ZNF235: variants seen among roughly 807,000 people sequenced by gnomAD.
The protein encoded by ZNF235 is zinc finger protein 235.
ZNF235 carries 25 observed loss-of-function variants against 29.4 expected under a neutral mutation model. The ratio of observed to expected loss-of-function variants is 0.85; its 90% CI spans 0.62 to 1.19. The LOEUF is 1.19. Among genes scored for constraint, ZNF235 ranks in the 50% most tolerant of loss-of-function variants. ZNF235 has a pLI of 0.00. For synonymous variants in ZNF235, 300 were observed against 295.3 expected (o/e 1.02, Z -0.16); for missense variants, 788 against 885.0 (o/e 0.89, Z 1.39).
chr19:44,302,959 T>TGTATATATA (rs1975765640), intron 2 of ZNF235, among the ~76,000 whole-genome samples: 1 of 134,202 alleles, frequency 7.5e-6, no homozygotes, highest in Non-Finnish European at 1.5e-5. Context: ...TATATATAAA[T>TGTATATATA]ATATACGTAT....
In ZNF235 at chr19:44,287,568, C is replaced by T. The variant is rs147781913; in HGVS notation, c.1867G>A (p.Gly623Arg). The T allele has an allele frequency of 3.1e-5, 50 of 1,614,038 alleles. No individual in the cohort carries two copies. The highest frequency in any genetic ancestry group is 4.0e-5 in the Non-Finnish European group (47 of 1,180,028). Residue 623 changes from glycine (G) to arginine (R), a missense_variant, in exon 5 of 5, where the codon GGA (glycine) becomes AGA (arginine). By Grantham distance (125) the Gly-to-Arg change is moderately radical. Coordinates refer to ENST00000291182, the MANE Select transcript of ZNF235 (RefSeq NM_004234.4). ...GTGTCACATTTATATGGTTTCTCTC[C>T]GGTGTGGACTCTCTGATGGGCTTGA... ...HLQAHQRVHTGEKPYKCDTCG... is the reference protein window; with the variant it reads ...HLQAHQRVHTREKPYKCDTCG...
Position 44,288,600 on chromosome 19 carries a change from C to T in ZNF235, c.835G>A (p.Glu279Lys). Residue 279 changes from glutamate to lysine, a missense_variant, in exon 5 of 5, where the codon GAA becomes AAA. By Grantham distance (56) the Glu-to-Lys change is moderately conservative. Transcript: ENST00000291182. ...CCCAAGTGTACCTGTTTATGAAGTT[C>T]AAGACTGGAGCTATCATTGAAGGCT... ...EEAFNDSSSL[E>K]LHKQVHLGKK... 2 of 1,614,098 alleles carry T rather than the reference C, an allele frequency of 1.2e-6. No homozygotes were observed. The highest frequency in any genetic ancestry group is 1.7e-6 in the Non-Finnish European group (2 of 1,179,998).
In ZNF235 at chr19:44,288,605, C is replaced by A. The variant is rs775464606; in HGVS notation, c.830G>T (p.Ser277Ile). The A allele has an allele frequency of 6.2e-7, 1 of 1,614,080 alleles. No individual in the cohort carries two copies. Residue 277 changes from serine (S) to isoleucine (I), a missense_variant, in exon 5 of 5, where the codon AGT (serine) becomes ATT (isoleucine). By Grantham distance (142) the Ser-to-Ile change is moderately radical (BLOSUM62 -2). Coordinates refer to ENST00000291182, the MANE Select transcript of ZNF235 (RefSeq NM_004234.4). ...GTGTACCTGTTTATGAAGTTCAAGA[C>A]TGGAGCTATCATTGAAGGCTTCTTC... Reference protein sequence around the residue: ...ECEEAFNDSSSLELHKQVHLG... With the variant: ...ECEEAFNDSSILELHKQVHLG...
At position 44,287,999 on chromosome 19, in the gene ZNF235, CGTT is replaced by C. The variant is rs2048473101; in HGVS notation, c.1433_1435del (p.Gln478del). The C allele has an allele frequency of 6.2e-7, 1 of 1,613,928 alleles. No homozygotes were observed. Among genetic ancestry groups the C allele is most frequent in the African/African-American group, 1.3e-5 (1 of 74,856 alleles). On this transcript the variant is annotated inframe_deletion, in exon 5 of 5. Coordinates refer to ENST00000291182, the MANE Select transcript of ZNF235 (RefSeq NM_004234.4). ...ATATGGTTTTTCTCCTGTGTGGACTCGTTGATGACTATGAAGATTAAAGCTCAA... is the reference window on the plus strand; with the variant it reads ...ATATGGTTTTTCTCCTGTGTGGACTCGATGACTATGAAGATTAAAGCTCAA...
At chr19:44,298,036 T>C (rs1026340748) in intron 4 of ZNF235, among the ~76,000 whole-genome samples, 8 of 152,064 alleles carry the variant, frequency 5.3e-5, no homozygotes, top group Non-Finnish European at 8.8e-5. Context: ...GGAGGATTGC[T>C]TGAGCACAGG....
chr19:44,287,177 G>C lies in ZNF235; in HGVS notation c.*41C>G. On this transcript the variant is annotated 3_prime_UTR_variant, in exon 5 of 5. Coordinates refer to ENST00000291182, the MANE Select transcript of ZNF235 (RefSeq NM_004234.4). ...GCATGGACTTCCCAACGGAGACAAA[G>C]ATGTGAGCTCTAACTGAAGGCTGAA... 1 of 1,524,148 alleles carries C rather than the reference G, an allele frequency of 6.6e-7. No individual in the cohort carries two copies. Among genetic ancestry groups the C allele is most frequent in the South Asian group, 1.3e-5 (1 of 74,718 alleles). 94.4% of individuals were successfully genotyped at this position (1,524,148 alleles called of 1,614,324 possible). A position where few individuals can be genotyped will look rare whatever the true frequency, so the allele number is the denominator to read the frequency against.
Position 44,289,097 on chromosome 19 carries a change from G to C in ZNF235, c.338C>G (p.Ala113Gly). Residue 113 changes from alanine (A) to glycine (G), a missense_variant, in exon 5 of 5, where the codon GCG becomes GGG. By Grantham distance (60) the Ala-to-Gly change is moderately conservative. Coordinates refer to ENST00000291182, the MANE Select transcript of ZNF235 (RefSeq NM_004234.4). ...LSCWQIKRHI[A>G]SKLARSQDSM... ...GTCTTGACTTCTGGCTAATTTGCTC[G>C]CAATGTGTCTCTTGATTTGCCAGCA... The C allele has an allele frequency of 6.2e-7, 1 of 1,614,018 alleles. No individual in the cohort carries two copies. The highest frequency in any genetic ancestry group is 8.5e-7 in the Non-Finnish European group (1 of 1,179,998).
At chr19:44,303,082 A>T (rs1293432046) in intron 2 of ZNF235, among the ~76,000 whole-genome samples, 2 of 116,072 alleles carry the variant, frequency 1.7e-5, no homozygotes, top group Admixed American at 1.1e-4. Context: ...TGTATATATA[A>T]TACATATATA....
rs372763775 is a variant in ZNF235, at chr19:44,288,687, G to T, written c.748C>A (p.Pro250Thr). ...DCGKDTLKVS[P>T]LTQRSIHTGQ... The stretch of plus-strand genomic sequence containing the variant: ...GTGTGAATACTACGCTGGGTAAGAG[G>T]TGATACCTTTAGGGTATCTTTACCA... The change falls in exon 5 of 5, where the codon CCT (proline) becomes ACT (threonine). Residue 250 changes from proline (P) to threonine (T), a missense_variant. Physicochemically the swap from Pro to Thr is conservative, Grantham distance 38. Coordinates refer to ENST00000291182, the MANE Select transcript of ZNF235 (RefSeq NM_004234.4). 1 of 1,614,078 alleles carries T rather than the reference G, an allele frequency of 6.2e-7. No homozygotes were observed. The highest frequency in any genetic ancestry group is 8.5e-7 in the Non-Finnish European group (1 of 1,179,990).
rs1359023919 is a variant in ZNF235, at chr19:44,299,567, G to A, written c.142+39C>T. ...CCAAAACATCAATGGCATGGAGGTTGAGAAACCCTGCTGAATTACAGAGGG... is the reference window on the plus strand; with the variant it reads ...CCAAAACATCAATGGCATGGAGGTTAAGAAACCCTGCTGAATTACAGAGGG... On this transcript the variant is annotated intron_variant, in intron 3 of 4. Coordinates refer to ENST00000291182, the MANE Select transcript of ZNF235 (RefSeq NM_004234.4). The A allele has an allele frequency of 3.1e-6, 5 of 1,610,296 alleles. No homozygotes were observed. The East Asian group carries it at 8.9e-5, about 29-fold the overall frequency.
intron 2 of ZNF235, among the ~76,000 whole-genome samples, chr19:44,301,337 C>T (rs2123106564): frequency 6.6e-6 from 1 of 152,150 alleles, no homozygotes; most frequent in Admixed American, 6.5e-5. Context: ...AACTCGATGA[C>T]ACATGTGGCA....
Position 44,299,750 on chromosome 19 carries a change from T to C in ZNF235, c.16-18A>G. 6.2e-7 allele frequency: 1 copy of C among 1,613,760 alleles called. No homozygotes were observed. Among genetic ancestry groups the C allele is most frequent in the South Asian group, 1.1e-5 (1 of 91,074 alleles). Reference sequence around the variant, plus strand: ...ACTGCCTCCTAGAACATCAAGCACATGTAACCTCAATCTCACACCCAATGG... The same window carrying C: ...ACTGCCTCCTAGAACATCAAGCACACGTAACCTCAATCTCACACCCAATGG... On this transcript the variant is annotated intron_variant, in intron 2 of 4. Coordinates refer to ENST00000291182, the MANE Select transcript of ZNF235 (RefSeq NM_004234.4).
At chr19:44,291,277 G>T (rs555781369) in intron 4 of ZNF235, among the ~76,000 whole-genome samples, 1 of 152,136 alleles carries the variant, frequency 6.6e-6, no homozygotes, top group South Asian at 2.1e-4. Flanking sequence ...AATATTCAGA[G>T]AATAAATAAC....
At chr19:44,295,846 A>G (rs965888285) in intron 4 of ZNF235, among the ~76,000 whole-genome samples, 1 of 152,178 alleles carries the variant, frequency 6.6e-6, no homozygotes, top group Non-Finnish European at 1.5e-5. Flanking sequence ...GGGAAAGGAC[A>G]TCCTATTGAA....
chr19:44,293,536 G>C (rs967621803), intron 4 of ZNF235, among the ~76,000 whole-genome samples: 7 of 151,836 alleles, frequency 4.6e-5, no homozygotes, highest in Admixed American at 1.3e-4. Context: ...AATCAACAAA[G>C]AAACACTGGA....
At chr19:44,293,671 C>T (rs1975615281) in intron 4 of ZNF235, among the ~76,000 whole-genome samples, 1 of 151,900 alleles carries the variant, frequency 6.6e-6, no homozygotes. Context: ...TATGTTAGGT[C>T]ACAAAAAAAG....
Position 44,299,624 on chromosome 19 carries a change from T to C in ZNF235, c.124A>G (p.Arg42Gly), listed in dbSNP as rs1452190907. 6.2e-7 allele frequency: 1 copy of C among 1,614,102 alleles called. No individual in the cohort carries two copies. The highest frequency in any genetic ancestry group is 2.2e-5 in the East Asian group (1 of 44,884). ...LYRDVMLENF[R>G]NLVSVGHQSF... is the part of the protein sequence containing the mutation. ...TCCTTACCCACTGAAACCAGGTTCC[T>C]AAAGTTCTCCAGCATCACATCTCGG... is the stretch of plus-strand genomic sequence containing the variant. The change falls in exon 3 of 5, where the codon AGG (arginine) becomes GGG (glycine). Residue 42 changes from arginine to glycine, a missense_variant. Coordinates refer to ENST00000291182, the MANE Select transcript of ZNF235 (RefSeq NM_004234.4).
chr19:44,289,634 A>G (rs1975558544), intron 4 of ZNF235: 1 of 153,836 alleles, frequency 6.5e-6, no homozygotes, highest in African/African-American at 2.4e-5. Flanking sequence ...CTCGAAACAC[A>G]GAACTACAGA....
chr19:44,295,650 A>G (rs1037269271), intron 4 of ZNF235, among the ~76,000 whole-genome samples: 35 of 152,210 alleles, frequency 2.3e-4, no homozygotes, highest in Non-Finnish European at 1.5e-4. Context: ...TCCTAAGCAA[A>G]TAACAAAGCT....
Sources: gnomAD v4.1 joint callset for allele counts (sites outside exome capture counted in the v4.1 genomes callset) on GRCh38, gnomAD v4.1.1 for gene constraint, MANE v1.5 for transcripts, NCBI Gene and HGNC (gene_info 2026-07-23, HGNC 2026-07-21) for gene names.